The following ZNF423 variants were observed in gnomAD, a reference collection of about 807,000 sequenced individuals.
The protein encoded by ZNF423 is zinc finger protein 423, also known as Ebf-associated zinc finger protein.
Under a neutral mutation model 95.8 loss-of-function variants are expected in ZNF423, and 12 were observed. That is an observed-to-expected ratio of 0.13 (90% CI 0.08 to 0.20). ZNF423 has a LOEUF of 0.20. ZNF423 is among the 10% of genes least tolerant of loss of function. The pLI is 1.00. For missense variants in ZNF423, 1,316 were observed against 1,737.1 expected, an observed-to-expected ratio of 0.76 and a Z score of 4.31; for synonymous variants, 749 against 711.9, an observed-to-expected ratio of 1.05 and a Z score of -0.83.
chr16:49,496,237 G>A (rs1567423104), intron 7 of ZNF423, among the ~76,000 whole-genome samples: 1 of 152,192 alleles, frequency 6.6e-6, no homozygotes, highest in Non-Finnish European at 1.5e-5. Context: ...GGGTTTTGGG[G>A]GTGGTTAATA....
intron 5 of ZNF423, among the ~76,000 whole-genome samples, chr16:49,589,597 C>T (rs946071750): frequency 2.0e-5 from 3 of 151,734 alleles, no homozygotes; most frequent in East Asian, 3.9e-4. Context: ...GGTGGAGCAG[C>T]GAGAGGGAGA....
At chr16:49,800,005 G>A (rs906604102) in intron 1 of ZNF423, among the ~76,000 whole-genome samples, 4 of 152,132 alleles carry the variant, frequency 2.6e-5, no homozygotes, top group African/African-American at 9.7e-5. Context: ...TATAATCCCA[G>A]CACTTTGGGA....
chr16:49,802,375 T>TG (rs1217163134), intron 1 of ZNF423, among the ~76,000 whole-genome samples: 1 of 152,130 alleles, frequency 6.6e-6, no homozygotes, highest in African/African-American at 2.4e-5. Context: ...TCAAGGTCCT[T>TG]GGGGTGAAAC....
intron 5 of ZNF423, among the ~76,000 whole-genome samples, chr16:49,549,105 G>A (rs973697887): frequency 6.6e-6 from 1 of 152,180 alleles, no homozygotes; most frequent in Non-Finnish European, 1.5e-5. Context: ...TCAAAGACTC[G>A]AACTATTGAA....
chr16:49,728,727 T>TTTAC (rs1321994731), intron 3 of ZNF423, among the ~76,000 whole-genome samples: 4 of 151,300 alleles, frequency 2.6e-5, no homozygotes, highest in African/African-American at 9.7e-5. Context: ...CATTCTTTTA[T>TTTAC]TTATTTATTT....
chr16:49,630,469 C>T (rs1179784879), intron 4 of ZNF423, among the ~76,000 whole-genome samples: 1 of 152,124 alleles, frequency 6.6e-6, no homozygotes, highest in Non-Finnish European at 1.5e-5. Flanking sequence ...AGCTTCATCA[C>T]AAGGAAGCCC....
intron 5 of ZNF423, among the ~76,000 whole-genome samples, chr16:49,621,741 A>G (rs989169732): frequency 6.6e-6 from 1 of 152,140 alleles, no homozygotes; most frequent in Admixed American, 6.5e-5. Flanking sequence ...CTGGGCCCCA[A>G]AAGATTTACT....
chr16:49,492,417 C>T lies in ZNF423; in HGVS notation c.3850-1113G>A, dbSNP rs1171163475. Among the ~76,000 whole-genome samples, 7 of 152,198 alleles carry T rather than the reference C, an allele frequency of 4.6e-5. No homozygotes were observed. The highest frequency in any genetic ancestry group is 1.4e-4 in the African/African-American group (6 of 41,470). ...GCAGAGGCACCGCGTCTCTCCTGGG[C>T]TCGGGTCCGCGGCGAGGGCGACCAG... On this transcript the variant is annotated intron_variant, in intron 7 of 7. Transcript: ENST00000563137. The surrounding 1 kb of genome is among the most constrained non-coding windows in gnomAD (Gnocchi z 4.2).
chr16:49,728,475 T>A (rs2143359763), intron 3 of ZNF423, among the ~76,000 whole-genome samples: 1 of 152,258 alleles, frequency 6.6e-6, no homozygotes, highest in South Asian at 2.1e-4. Context: ...AGGGTCCTGT[T>A]AGGAAGCGGG....
At chr16:49,828,286 C>A (rs2035027115) in intron 1 of ZNF423, among the ~76,000 whole-genome samples, 1 of 152,226 alleles carries the variant, frequency 6.6e-6, no homozygotes, top group African/African-American at 2.4e-5. Flanking sequence ...TGGTAACAGT[C>A]TACATGAATA....
intron 5 of ZNF423, among the ~76,000 whole-genome samples, chr16:49,596,572 C>A (rs991127227): frequency 1.3e-5 from 2 of 152,184 alleles, no homozygotes; most frequent in Admixed American, 1.3e-4. Flanking sequence ...TTTTTCTAGT[C>A]AATATATGGA....
At chr16:49,660,220 A>AATGAATGAATGGATGG (rs140252244) in intron 3 of ZNF423, among the ~76,000 whole-genome samples, 1 of 152,068 alleles carries the variant, frequency 6.6e-6, no homozygotes, top group Non-Finnish European at 1.5e-5. Context: ...TGAATGAATG[A>AATGAATGAATGGATGG]ATGGATGAAA....
intron 7 of ZNF423, among the ~76,000 whole-genome samples, chr16:49,503,552 G>C (rs1967517605): frequency 6.6e-6 from 1 of 152,054 alleles, no homozygotes; most frequent in Non-Finnish European, 1.5e-5. Flanking sequence ...GTTTTCCTGG[G>C]GCTTCTCCAC....
intron 1 of ZNF423, among the ~76,000 whole-genome samples, chr16:49,805,849 C>T (rs73577308): frequency 0.044 from 6,756 of 152,266 alleles, 485 homozygotes; most frequent in African/African-American, 0.15. Flanking sequence ...CAGCTTAGTG[C>T]CTGGCGTCCA....
intron 7 of ZNF423, among the ~76,000 whole-genome samples, chr16:49,502,319 A>G (rs77770090): frequency 0.027 from 4,087 of 152,294 alleles, 174 homozygotes; most frequent in African/African-American, 0.094. Flanking sequence ...TAAGGGTAGA[A>G]GATGAAGTTC....
chr16:49,822,729 G>C, intron 1 of ZNF423: 1 of 1,604,278 alleles, frequency 6.2e-7, no homozygotes, highest in Non-Finnish European at 8.5e-7. Context: ...TCCTTCTCCA[G>C]GAAGTTTTCC....
chr16:49,775,167 A>G (rs562759737), intron 2 of ZNF423, among the ~76,000 whole-genome samples: 25 of 152,290 alleles, frequency 1.6e-4, no homozygotes, highest in Admixed American at 9.2e-4. Context: ...GAACTCTAAG[A>G]AAGATGTTTC....
intron 5 of ZNF423, among the ~76,000 whole-genome samples, chr16:49,574,387 A>T (rs1344739279): frequency 6.6e-6 from 1 of 152,240 alleles, no homozygotes; most frequent in African/African-American, 2.4e-5. Context: ...CTAAAAAGAC[A>T]AAACACTGAT....
At chr16:49,574,430 A>T (rs1305685754) in intron 5 of ZNF423, among the ~76,000 whole-genome samples, 2 of 152,202 alleles carry the variant, frequency 1.3e-5, no homozygotes, top group African/African-American at 4.8e-5. Context: ...CTGATTCAGC[A>T]GTTGTATGTG....
Sources: gnomAD v4.1 joint callset for allele counts (sites outside exome capture counted in the v4.1 genomes callset) on GRCh38, gnomAD v4.1.1 for gene constraint, Gnocchi (gnomAD v3.1) non-coding constraint, MANE v1.5 for transcripts, NCBI Gene and HGNC (gene_info 2026-07-23, HGNC 2026-07-21) for gene names.